The following OLA1 variants were observed in gnomAD, a reference collection of about 807,000 sequenced individuals.
OLA1 encodes the protein Obg like ATPase 1.
A neutral mutation model predicts 48.4 loss-of-function variants in OLA1; 14 were observed. The ratio of observed to expected loss-of-function variants is 0.29; its 90% confidence interval spans 0.19 to 0.45. The LOEUF is 0.45. Ranked by LOEUF, OLA1 falls within the 20% of genes least tolerant of loss-of-function variation. OLA1 has a pLI of 1.00. For synonymous variants in OLA1, 127 were observed against 150.4 expected, an observed-to-expected ratio of 0.84 and a Z score of 1.14; for missense variants, 325 against 467.1, an observed-to-expected ratio of 0.70 and a Z score of 2.80.
intron 9 of OLA1, among the ~76,000 whole-genome samples, chr2:174,080,513 G>T (rs1684832827): frequency 6.6e-6 from 1 of 151,776 alleles, no homozygotes; most frequent in Non-Finnish European, 1.5e-5. Context: ...TGTCCTCTGG[G>T]AATAAATTAG....
At chr2:174,127,172 T>C (rs149318750) in intron 5 of OLA1, among the ~76,000 whole-genome samples, 85 of 152,326 alleles carry the variant, frequency 5.6e-4, no homozygotes, top group African/African-American at 2.0e-3. Context: ...ATGTGTGACT[T>C]GCCTAAATTC....
At chr2:174,089,672 CG>C (rs1248771315) in intron 7 of OLA1, among the ~76,000 whole-genome samples, 1 of 151,792 alleles carries the variant, frequency 6.6e-6, no homozygotes, top group Non-Finnish European at 1.5e-5. Context: ...GAGGCCGAGG[CG>C]GGGGGATTGC....
At chr2:174,228,148 G>C (rs1559015919) in intron 3 of OLA1, among the ~76,000 whole-genome samples, 1 of 152,158 alleles carries the variant, frequency 6.6e-6, no homozygotes, top group Non-Finnish European at 1.5e-5. Flanking sequence ...TCAATATCAA[G>C]GAGGCAGTTA....
intron 2 of OLA1, among the ~76,000 whole-genome samples, chr2:174,235,347 G>A (rs1688824570): frequency 6.6e-6 from 1 of 152,050 alleles, no homozygotes; most frequent in South Asian, 2.1e-4. Flanking sequence ...TGAAAGAACA[G>A]GCATTCTGGA....
intron 4 of OLA1, among the ~76,000 whole-genome samples, chr2:174,218,484 A>G (rs1335046936): frequency 1.3e-5 from 2 of 152,198 alleles, no homozygotes; most frequent in Non-Finnish European, 1.5e-5. Flanking sequence ...CCTCAGCAGC[A>G]CTTGTTTAGT....
intron 2 of OLA1, among the ~76,000 whole-genome samples, chr2:174,245,938 G>A (rs549734719): frequency 2.6e-5 from 4 of 151,916 alleles, no homozygotes; most frequent in African/African-American, 9.7e-5. Context: ...TGTGTATAGA[G>A]TTATGATAAA....
intron 4 of OLA1, among the ~76,000 whole-genome samples, chr2:174,157,741 G>C (rs1040210791): frequency 1.3e-5 from 2 of 152,096 alleles, no homozygotes; most frequent in African/African-American, 4.8e-5. Flanking sequence ...AGAAATGTAA[G>C]AGGGATGACT....
intron 4 of OLA1, among the ~76,000 whole-genome samples, chr2:174,162,706 T>A (rs1392535649): frequency 6.6e-6 from 1 of 152,194 alleles, no homozygotes; most frequent in African/African-American, 2.4e-5. Flanking sequence ...AATAGACTTT[T>A]AACCCCTCTA....
intron 5 of OLA1, among the ~76,000 whole-genome samples, chr2:174,141,067 G>A (rs1368529285): frequency 2.0e-5 from 3 of 152,150 alleles, no homozygotes; most frequent in African/African-American, 4.8e-5. Flanking sequence ...AAGTAGCTGG[G>A]ATTACAAGCA....
chr2:174,095,303 T>C (rs1305917856), intron 7 of OLA1, among the ~76,000 whole-genome samples: 1 of 150,630 alleles, frequency 6.6e-6, no homozygotes, highest in East Asian at 1.9e-4. Context: ...CTCCACATCT[T>C]TGCCAGCACT....
chr2:174,154,004 C>T (rs1686809155), intron 4 of OLA1, among the ~76,000 whole-genome samples: 1 of 152,104 alleles, frequency 6.6e-6, no homozygotes, highest in Non-Finnish European at 1.5e-5. Context: ...GTAGGTGGAA[C>T]TACGAGTGCC....
Position 174,079,964 on chromosome 2 carries a change from A to AAC in OLA1, c.967-876_967-875dup. On this transcript the variant is annotated intron_variant, in intron 9 of 10. Coordinates refer to ENST00000284719, the MANE Select transcript of OLA1 (RefSeq NM_013341.5). ...CCAGCTTTCACATTTTCAAGCCCAG[A>AAC]ACATGCTATCTTTCCTACCTCCACA... is the stretch of plus-strand genomic sequence containing the variant. 3.3e-5 allele frequency among the ~76,000 whole-genome samples: 5 copies of AAC among 152,164 alleles called. No homozygotes were observed. The South Asian group carries it at 1.0e-3, about 32-fold the overall frequency.
chr2:174,214,150 T>C (rs145292543), intron 4 of OLA1, among the ~76,000 whole-genome samples: 1,980 of 151,956 alleles, frequency 0.013, 45 homozygotes, highest in African/African-American at 0.044. Flanking sequence ...CTGGCCAACA[T>C]GGTAAAACCC....
intron 10 of OLA1, among the ~76,000 whole-genome samples, chr2:174,076,924 T>C (rs1224593390): frequency 6.6e-6 from 1 of 152,086 alleles, no homozygotes; most frequent in African/African-American, 2.4e-5. Context: ...GTTATAAAAC[T>C]ATATAGACAA....
At chr2:174,082,203 G>A in intron 7 of OLA1, 139 bp from the exon 8 acceptor site, 5 of 868,174 alleles carry the variant, frequency 5.8e-6, no homozygotes, top group Non-Finnish European at 8.9e-6. Flanking sequence ...AGCTTTCCAA[G>A]GTCAAGGCAT....
chr2:174,221,999 G>A (rs1173305590), intron 4 of OLA1, among the ~76,000 whole-genome samples: 2 of 152,124 alleles, frequency 1.3e-5, no homozygotes, highest in Non-Finnish European at 2.9e-5. Context: ...AAACTACCTA[G>A]ATCAATGCTT....
intron 4 of OLA1, among the ~76,000 whole-genome samples, chr2:174,205,759 G>A (rs780761763): frequency 1.2e-4 from 19 of 152,136 alleles, no homozygotes; most frequent in East Asian, 3.9e-4. Context: ...AAGATGGACC[G>A]GTCAAGGGGA....
chr2:174,190,292 A>T (rs937733113), intron 4 of OLA1, among the ~76,000 whole-genome samples: 1 of 152,138 alleles, frequency 6.6e-6, no homozygotes, highest in African/African-American at 2.4e-5. Flanking sequence ...TGCTCAAAAC[A>T]ATTACTTTTG....
chr2:174,098,769 T>C (rs1028720695), intron 7 of OLA1, among the ~76,000 whole-genome samples: 5 of 152,198 alleles, frequency 3.3e-5, no homozygotes, highest in African/African-American at 1.2e-4. Flanking sequence ...TAGCATGGTA[T>C]CTGATACAAG....
Sources: allele counts gnomAD v4.1 joint callset (sites outside exome capture counted in the v4.1 genomes callset), GRCh38; gene constraint gnomAD v4.1.1; transcripts MANE v1.5; gene names NCBI Gene and HGNC (gene_info 2026-07-23, HGNC 2026-07-21).